Variants in YAP1 observed in about 807,000 individuals in gnomAD.
YAP1 encodes transcriptional coactivator YAP1.
YAP1 carries 5 observed loss-of-function variants against 56.9 expected under a neutral mutation model. That is an observed-to-expected ratio of 0.09 (90% CI 0.05 to 0.18). The LOEUF is 0.18. Ranked by LOEUF, YAP1 falls within the 10% of genes least tolerant of loss-of-function variation. The pLI is 1.00. For synonymous variants in YAP1, 265 were observed against 248.1 expected, an observed-to-expected ratio of 1.07 and a Z score of -0.64; for missense variants, 539 against 651.8, an observed-to-expected ratio of 0.83 and a Z score of 1.88.
chr11:102,129,875 T>C (rs547832993), intron 2 of YAP1, among the ~76,000 whole-genome samples: 1 of 145,930 alleles, frequency 6.9e-6, no homozygotes, highest in Non-Finnish European at 1.5e-5. Context: ...CTATCTCAGC[T>C]CACTGCAACC....
intron 7 of YAP1, among the ~76,000 whole-genome samples, chr11:102,223,957 G>A (rs1188198179): frequency 6.6e-6 from 1 of 152,212 alleles, no homozygotes; most frequent in Non-Finnish European, 1.5e-5. Context: ...GTTCAGACTT[G>A]TACAAGGGAT....
chr11:102,216,054 T>C (rs548156646), intron 6 of YAP1, among the ~76,000 whole-genome samples: 116 of 152,302 alleles, frequency 7.6e-4, no homozygotes, highest in African/African-American at 2.7e-3. Flanking sequence ...GAGGCAGAAG[T>C]GAAATGGAAA....
chr11:102,174,597 C>G (rs943680424), intron 3 of YAP1, among the ~76,000 whole-genome samples: 7 of 151,474 alleles, frequency 4.6e-5, no homozygotes, highest in Non-Finnish European at 1.0e-4. Context: ...AAAAAAAAAT[C>G]TATTATTTGT....
At chr11:102,163,578 G>A (rs2135406542) in intron 3 of YAP1, among the ~76,000 whole-genome samples, 1 of 152,260 alleles carries the variant, frequency 6.6e-6, no homozygotes, top group South Asian at 2.1e-4. Context: ...GGACACAGAT[G>A]GCAACAATAG....
chr11:102,133,707 G>A (rs756314388), intron 2 of YAP1, among the ~76,000 whole-genome samples: 8 of 152,170 alleles, frequency 5.3e-5, no homozygotes, highest in Non-Finnish European at 7.3e-5. Flanking sequence ...AGCATATTAG[G>A]CTGTTAAGAT....
At chr11:102,184,182 T>TAGTC (rs1046900840) in intron 3 of YAP1, among the ~76,000 whole-genome samples, 2 of 152,106 alleles carry the variant, frequency 1.3e-5, no homozygotes, top group African/African-American at 4.8e-5. Context: ...TCACCATGTA[T>TAGTC]AGTCACATGG....
chr11:102,142,149 TCTTA>T (rs1283533826), intron 2 of YAP1, among the ~76,000 whole-genome samples: 1 of 152,212 alleles, frequency 6.6e-6, no homozygotes, highest in Non-Finnish European at 1.5e-5. Context: ...GAAGGATTTT[TCTTA>T]CTGTTACTTA....
intron 1 of YAP1, chr11:102,112,551 T>TG (rs1420933477): frequency 1.0e-6 from 1 of 983,958 alleles, no homozygotes; most frequent in Non-Finnish European, 1.2e-6. Context: ...GTAACTTGAG[T>TG]GGAAAGAAGA....
At chr11:102,117,452 C>T (rs1023081701) in intron 2 of YAP1, among the ~76,000 whole-genome samples, 4 of 152,138 alleles carry the variant, frequency 2.6e-5, no homozygotes, top group African/African-American at 9.7e-5. Context: ...TATAAATGGT[C>T]CAGACAGGCA....
intron 4 of YAP1, among the ~76,000 whole-genome samples, chr11:102,198,409 G>T (rs750394503): frequency 5.3e-5 from 8 of 152,134 alleles, no homozygotes; most frequent in African/African-American, 1.9e-4. Flanking sequence ...TTGCTATTCA[G>T]TGTTTTTCAC....
Position 102,114,162 on chromosome 11 carries a change from A to T in YAP1, c.340A>T (p.Thr114Ser), listed in dbSNP as rs747656585. The T allele has an allele frequency of 6.2e-7, 1 of 1,613,866 alleles. No homozygotes were observed. Among genetic ancestry groups the T allele is most frequent in the South Asian group, 1.1e-5 (1 of 91,078 alleles). Residue 114 changes from threonine (T) to serine (S), a missense_variant, in exon 2 of 9, where the codon ACT becomes TCT. Physicochemically the swap from Thr to Ser is moderately conservative, Grantham distance 58. Coordinates refer to ENST00000282441, the MANE Select transcript of YAP1 (RefSeq NM_001130145.3). ...CTAATAGGCCAGTACTGATGCAGGCACTGCAGGAGCCCTGACTCCACAGCA... is the reference window on the plus strand; with the variant it reads ...CTAATAGGCCAGTACTGATGCAGGCTCTGCAGGAGCCCTGACTCCACAGCA... ...HSRQASTDAG[T>S]AGALTPQHVR...
intron 7 of YAP1, among the ~76,000 whole-genome samples, chr11:102,225,124 C>G (rs1156701849): frequency 6.6e-6 from 1 of 151,932 alleles, no homozygotes; most frequent in Admixed American, 6.6e-5. Context: ...TATGCATTCT[C>G]TGCAGTACCC....
intron 3 of YAP1, among the ~76,000 whole-genome samples, chr11:102,166,224 T>A (rs1946598519): frequency 6.6e-6 from 1 of 152,246 alleles, no homozygotes; most frequent in Non-Finnish European, 1.5e-5. Context: ...TTTGGTCATA[T>A]GGAGACCTGC....
intron 4 of YAP1, among the ~76,000 whole-genome samples, chr11:102,205,515 C>T (rs1949073602): frequency 6.6e-6 from 1 of 152,132 alleles, no homozygotes; most frequent in South Asian, 2.1e-4. Context: ...TTAGTTGCTT[C>T]TTAGCTATTC....
chr11:102,190,922 C>T (rs539305351), intron 4 of YAP1, among the ~76,000 whole-genome samples: 8 of 151,846 alleles, frequency 5.3e-5, no homozygotes, highest in South Asian at 2.1e-4. Context: ...GGAGACAGAG[C>T]GAAACTCCAT....
In YAP1 at chr11:102,205,976, G is replaced by A. The variant is rs747168208; in HGVS notation, c.886G>A (p.Gly296Ser). Residue 296 changes from glycine to serine, a missense_variant, in exon 5 of 9, where the codon GGT (glycine) becomes AGT (serine). Physicochemically the swap from Gly to Ser is moderately conservative, Grantham distance 56 (BLOSUM62 0). This residue lies in a region of YAP1 where 414 missense variants were observed against 512.4 expected (regional missense o/e 0.81). Transcript: ENST00000282441. ...APQSPQGGVM[G>S]GSNSNQQQQM... ...CCAGAGCCCACAGGGAGGCGTCATGGGTGGCAGCAACTCCAACCAGCAGCA... is the reference window on the plus strand; with the variant it reads ...CCAGAGCCCACAGGGAGGCGTCATGAGTGGCAGCAACTCCAACCAGCAGCA... 1 of 1,613,706 alleles carries A rather than the reference G, an allele frequency of 6.2e-7. No homozygotes were observed. Among genetic ancestry groups the A allele is most frequent in the Non-Finnish European group, 8.5e-7 (1 of 1,179,926 alleles).
intron 4 of YAP1, among the ~76,000 whole-genome samples, chr11:102,192,398 C>G (rs1329861838): frequency 2.0e-5 from 3 of 152,232 alleles, no homozygotes; most frequent in African/African-American, 4.8e-5. Flanking sequence ...TGTCATTGCT[C>G]TGACCTGTCA....
chr11:102,206,095 C>A, intron 5 of YAP1, 21 bp downstream of exon 5: 1 of 1,596,286 alleles, frequency 6.3e-7, no homozygotes, highest in Non-Finnish European at 8.6e-7. Flanking sequence ...AGGTTAGAAA[C>A]CAGCCTTCCA....
At chr11:102,115,214 A>G (rs1565418425) in intron 2 of YAP1, among the ~76,000 whole-genome samples, 2 of 152,340 alleles carry the variant, frequency 1.3e-5, no homozygotes, top group East Asian at 1.9e-4. Context: ...TGGATCAAGT[A>G]TATATTGAAA....
Sources: gnomAD v4.1 joint callset for allele counts (sites outside exome capture counted in the v4.1 genomes callset) on GRCh38, gnomAD v4.1.1 for gene constraint, gnomAD v4.1.1 regional missense constraint, MANE v1.5 for transcripts, NCBI Gene and HGNC (gene_info 2026-07-23, HGNC 2026-07-21) for gene names.